MTMR9: variants seen among roughly 807,000 people sequenced by gnomAD.
MTMR9 encodes myotubularin related protein 9, also known as myotubularin-related protein 9.
A neutral mutation model predicts 69.5 loss-of-function variants in MTMR9; 39 were observed. That is an observed-to-expected ratio of 0.56 (90% confidence interval 0.43 to 0.73). The LOEUF (loss-of-function observed/expected upper bound fraction) is 0.73, where lower values mean the gene tolerates loss of function less well. MTMR9 is among the 30% of genes least tolerant of loss of function. The probability of loss-of-function intolerance (pLI) is 0.00; values close to 1 mark genes in which losing one functional copy is unlikely to be tolerated. For synonymous variants in MTMR9, 354 were observed against 240.8 expected, an observed-to-expected ratio of 1.47 and a Z score of -4.35; for missense variants, 900 against 671.2, an observed-to-expected ratio of 1.34 and a Z score of -3.77.
chr8:11,309,638 C>T lies in MTMR9; in HGVS notation c.921C>T (p.His307=). The T allele has an allele frequency of 1.2e-6, 2 of 1,613,996 alleles. No individual in the cohort carries two copies. The highest frequency in any genetic ancestry group is 1.7e-4 in the Middle Eastern group (1 of 6,058). ...SKLEASNWLT[H]IKEILTTACL... is the part of the protein sequence containing the mutation. The stretch of plus-strand genomic sequence containing the variant: ...TGGAGGCCTCTAACTGGCTGACTCA[C>T]ATCAAAGAGATTCTGACAACTGCCT... The change falls in exon 6 of 10, where the codon CAC becomes CAT. Residue 307 remains histidine, a synonymous_variant. Coordinates refer to ENST00000221086, the MANE Select transcript of MTMR9 (RefSeq NM_015458.4).
chr8:11,288,230 TATATA>T (rs1222746639), intron 1 of MTMR9, among the ~76,000 whole-genome samples: 3 of 135,442 alleles, frequency 2.2e-5, no homozygotes, highest in Admixed American at 1.6e-4. Flanking sequence ...ATAATTATAA[TATATA>T]ATAATAATAA....
In MTMR9 at chr8:11,323,916, A is replaced by T. The variant is rs1373806455; in HGVS notation, c.*1128A>T. On this transcript the variant is annotated 3_prime_UTR_variant, in exon 10 of 10. Coordinates refer to ENST00000221086, the MANE Select transcript of MTMR9 (RefSeq NM_015458.4). ...TCTGTGTTTTAAACCTCAGAAACAG[A>T]TTTGAGTGTTTCAGTATTATAGAAA... is the stretch of plus-strand genomic sequence containing the variant. 1 of 152,190 alleles carries T rather than the reference A, an allele frequency of 6.6e-6. No homozygotes were observed. The highest frequency in any genetic ancestry group is 2.4e-5 in the African/African-American group (1 of 41,446). 9.4% of individuals were successfully genotyped at this position (152,190 alleles called of 1,614,324 possible). A position where few individuals can be genotyped will look rare whatever the true frequency, so the allele number is the denominator to read the frequency against.
intron 3 of MTMR9, among the ~76,000 whole-genome samples, chr8:11,304,539 G>A (rs1231547298): frequency 6.6e-6 from 1 of 152,146 alleles, no homozygotes; most frequent in African/African-American, 2.4e-5. Context: ...GAACTTGTAC[G>A]GTGTTGTCTG....
intron 1 of MTMR9, among the ~76,000 whole-genome samples, chr8:11,294,500 CTTTTTTT>C (rs61227530): frequency 8.5e-5 from 9 of 105,846 alleles, no homozygotes; most frequent in African/African-American, 3.6e-4. Context: ...AATACTTTCA[CTTTTTTT>C]TTTTTTTTTT....
chr8:11,331,460 C>A (rs1801222455), downstream of MTMR9: 2 of 1,614,030 alleles, frequency 1.2e-6, no homozygotes, highest in African/African-American at 2.7e-5. Context: ...TTGGATGTGC[C>A]TACAGTGCAG....
chr8:11,305,908 C>G (rs1799921771), intron 4 of MTMR9, among the ~76,000 whole-genome samples: 7 of 152,122 alleles, frequency 4.6e-5, no homozygotes, highest in Admixed American at 3.3e-4. Flanking sequence ...GTATTTGATT[C>G]ACACACTAAA....
chr8:11,332,238 G>T, downstream of MTMR9: 1 of 1,456,654 alleles, frequency 6.9e-7, no homozygotes. Context: ...AGGAAAGAGT[G>T]AAAGTCTAAC....
At chr8:11,309,780 G>A (rs532244148) in intron 6 of MTMR9, 92 bp downstream of exon 6, 3 of 1,417,970 alleles carry the variant, frequency 2.1e-6, no homozygotes, top group Non-Finnish European at 2.9e-6. Context: ...TTATGTGAAA[G>A]TTTGCAGTAA....
chr8:11,318,547 T>C (rs1033448880), intron 8 of MTMR9: 2 of 152,242 alleles, frequency 1.3e-5, no homozygotes, highest in Non-Finnish European at 2.9e-5. Flanking sequence ...CTGAGTCTTA[T>C]GAGAATTGAA....
At chr8:11,332,339 G>A (rs1467281449), downstream of MTMR9, 3 of 858,694 alleles carry the variant, frequency 3.5e-6, no homozygotes, top group East Asian at 9.3e-5. Flanking sequence ...TTATTTACAG[G>A]AATAAAATTA....
At position 11,316,801 on chromosome 8, in the gene MTMR9, T is replaced by G; in HGVS notation, c.1242T>G (p.Ser414=). The G allele has an allele frequency of 1.2e-6, 2 of 1,613,966 alleles. No homozygotes were observed. Among genetic ancestry groups the G allele is most frequent in the Non-Finnish European group, 1.7e-6 (2 of 1,179,950 alleles). The change falls in exon 8 of 10, where the codon TCT becomes TCG. Residue 414 remains serine, a synonymous_variant. Transcript: ENST00000221086. ...VWQILRQFPC[S]FEFNENFLIM... Reference sequence around the variant, plus strand: ...AGATCCTTCGTCAGTTTCCCTGTTCTTTTGAGTTTAATGAGAATTTCCTCA... The same window carrying G: ...AGATCCTTCGTCAGTTTCCCTGTTCGTTTGAGTTTAATGAGAATTTCCTCA...
intron 6 of MTMR9, among the ~76,000 whole-genome samples, chr8:11,313,271 G>GT (rs1800277906): frequency 6.6e-6 from 1 of 152,178 alleles, no homozygotes; most frequent in Non-Finnish European, 1.5e-5. Context: ...ATGGAGGAGA[G>GT]TAAAGGCCTT....
chr8:11,293,335 A>G (rs1165332030), intron 1 of MTMR9, among the ~76,000 whole-genome samples: 1 of 152,242 alleles, frequency 6.6e-6, no homozygotes, highest in Non-Finnish European at 1.5e-5. Context: ...TTTTCAGCTT[A>G]GTGTTATTAC....
chr8:11,315,081 G>A lies in MTMR9; in HGVS notation c.1113+17G>A. 6.2e-7 allele frequency: 1 copy of A among 1,608,376 alleles called. No individual in the cohort carries two copies. Among genetic ancestry groups the A allele is most frequent in the Middle Eastern group, 1.7e-4 (1 of 5,858 alleles). On this transcript the variant is annotated intron_variant, in intron 7 of 9. Transcript: ENST00000221086. ...TGGCTGCAGGTGAGAAGAGCTGTTT[G>A]ATTCACAGAGGAACTGCTTATTGAT...
chr8:11,318,596 CTG>C (rs1334991237), intron 8 of MTMR9: 1 of 152,190 alleles, frequency 6.6e-6, no homozygotes, highest in Non-Finnish European at 1.5e-5. Context: ...TTACCACAGA[CTG>C]TCTTTCAATC....
Position 11,284,846 on chromosome 8 carries a change from G to C in MTMR9, c.-43G>C. The stretch of plus-strand genomic sequence containing the variant: ...TTCCCTGCGGCGGGGTAACCGCCTC[G>C]CACCTACCGGGCTCGGTTCCCTGGC... On this transcript the variant is annotated 5_prime_UTR_variant, in exon 1 of 10. Coordinates refer to ENST00000221086, the MANE Select transcript of MTMR9 (RefSeq NM_015458.4). 6.5e-7 allele frequency: 1 copy of C among 1,539,924 alleles called. No homozygotes were observed.
chr8:11,286,603 T>C (rs1035456207), intron 1 of MTMR9, among the ~76,000 whole-genome samples: 1 of 146,246 alleles, frequency 6.8e-6, no homozygotes, highest in Non-Finnish European at 1.5e-5. Context: ...GAAGCAGAGG[T>C]TGCAGTGAGC....
chr8:11,316,907 T>C lies in MTMR9; in HGVS notation c.1334+14T>C, dbSNP rs1226770025. On this transcript the variant is annotated intron_variant, in intron 8 of 9. Coordinates refer to ENST00000221086, the MANE Select transcript of MTMR9 (RefSeq NM_015458.4). ...TGAAAGTGAAAGGTGAGTACACTGC[T>C]CACATGGGGACCTTTCCTTTTCCGT... is the stretch of plus-strand genomic sequence containing the variant. The C allele has an allele frequency of 1.3e-6, 2 of 1,545,244 alleles. No homozygotes were observed. The highest frequency in any genetic ancestry group is 8.8e-7 in the Non-Finnish European group (1 of 1,141,018).
chr8:11,331,969 C>A (rs775191323), downstream of MTMR9: 47 of 1,611,898 alleles, frequency 2.9e-5, no homozygotes, highest in Non-Finnish European at 3.7e-5. Context: ...GTCCTGCATT[C>A]CGAGGTGGTT....
Sources: gnomAD v4.1 joint callset for allele counts (sites outside exome capture counted in the v4.1 genomes callset) on GRCh38, gnomAD v4.1.1 for gene constraint, MANE v1.5 for transcripts, NCBI Gene and HGNC (gene_info 2026-07-23, HGNC 2026-07-21) for gene names.